Variants in FARP1 observed in about 807,000 individuals in gnomAD.
FARP1 encodes FERM, ARHGEF and pleckstrin domain-containing protein 1.
FARP1 carries 52 observed loss-of-function variants against 128.8 expected under a neutral mutation model. That is an observed-to-expected ratio of 0.40 (90% CI 0.32 to 0.51). The LOEUF (loss-of-function observed/expected upper bound fraction) is 0.51. FARP1 is among the 20% of genes least tolerant of loss of function. The pLI is 0.45. For missense variants in FARP1, 1,333 were observed against 1,367.9 expected, an observed-to-expected ratio of 0.97 and a Z score of 0.40; for synonymous variants, 580 against 551.8, an observed-to-expected ratio of 1.05 and a Z score of -0.72.
intron 1 of FARP1, among the ~76,000 whole-genome samples, chr13:98,158,089 C>T (rs551915940): frequency 1.3e-5 from 2 of 152,316 alleles, no homozygotes; most frequent in South Asian, 2.1e-4. Flanking sequence ...AAGGATGTTA[C>T]GGTTTTCTTT....
At chr13:98,236,949 G>A (rs550405239) in intron 2 of FARP1, among the ~76,000 whole-genome samples, 7 of 152,226 alleles carry the variant, frequency 4.6e-5, no homozygotes, top group African/African-American at 9.6e-5. Context: ...CCAAGACTGC[G>A]CCATTGCACT....
chr13:98,418,148 C>T (rs1891457396), intron 16 of FARP1, among the ~76,000 whole-genome samples: 2 of 152,242 alleles, frequency 1.3e-5, no homozygotes, highest in African/African-American at 4.8e-5. Flanking sequence ...CTTCTGGCTT[C>T]AAGCAATCCT....
chr13:98,429,244 G>C (rs896134529), intron 17 of FARP1, among the ~76,000 whole-genome samples: 2 of 152,238 alleles, frequency 1.3e-5, no homozygotes, highest in Non-Finnish European at 2.9e-5. Context: ...GTAACCCCGA[G>C]GGATGGGGGG....
intron 5 of FARP1, among the ~76,000 whole-genome samples, chr13:98,375,505 A>T (rs1173514600): frequency 6.6e-6 from 1 of 152,160 alleles, no homozygotes; most frequent in African/African-American, 2.4e-5. Flanking sequence ...TACACACTCA[A>T]TTCTTTGCCT....
At chr13:98,446,066 C>T (rs1324381932) in intron 24 of FARP1, 32 bp from the exon 25 acceptor site, 5 of 1,484,424 alleles carry the variant, frequency 3.4e-6, no homozygotes, top group Non-Finnish European at 4.7e-6. Flanking sequence ...CAGGTGCCCG[C>T]TGTGCTTCTC....
chr13:98,376,384 C>G (rs1432546199), intron 5 of FARP1, among the ~76,000 whole-genome samples: 2 of 152,262 alleles, frequency 1.3e-5, no homozygotes, highest in Non-Finnish European at 2.9e-5. Flanking sequence ...GTTTGTTTTT[C>G]TGTGCCTGGC....
chr13:98,295,545 T>TCCCAGTCCCCCTCTCCTC (rs1885650328), intron 2 of FARP1, among the ~76,000 whole-genome samples: 1 of 152,144 alleles, frequency 6.6e-6, no homozygotes, highest in Non-Finnish European at 1.5e-5. Context: ...AAAAATAACC[T>TCCCAGTCCCCCTCTCCTC]CCCAGTCCCC....
intron 1 of FARP1, among the ~76,000 whole-genome samples, chr13:98,162,106 CT>C (rs1187064084): frequency 6.6e-6 from 1 of 152,132 alleles, no homozygotes; most frequent in Admixed American, 6.5e-5. Context: ...TATCATTTGA[CT>C]TTTTTCTCAC....
intron 1 of FARP1, among the ~76,000 whole-genome samples, chr13:98,152,584 A>G (rs1876089369): frequency 1.3e-5 from 2 of 152,194 alleles, no homozygotes; most frequent in African/African-American, 2.4e-5. Flanking sequence ...AGCATGCCAA[A>G]TACTAATCTG....
chr13:98,158,884 G>A (rs1170463154), intron 1 of FARP1, among the ~76,000 whole-genome samples: 1 of 152,162 alleles, frequency 6.6e-6, no homozygotes, highest in East Asian at 1.9e-4. Flanking sequence ...TGTTCACCTG[G>A]AGGAGCTAGA....
Position 98,155,372 on chromosome 13 carries a change from A to G in FARP1, c.-24+11880A>G, listed in dbSNP as rs532471382. 2.7e-5 allele frequency among the ~76,000 whole-genome samples: 4 copies of G among 146,946 alleles called. No individual in the cohort carries two copies. In the Admixed American group the frequency reaches 2.7e-4, roughly 10 times the overall value. On this transcript the variant is annotated intron_variant, in intron 1 of 26. Transcript: ENST00000319562. ...AAAAAAAAAAAAAAAAAAAAAGTCA[A>G]CTGGGACTGTGGGGTCTGCTACCAA...
At chr13:98,435,054 T>C (rs998078856) in intron 18 of FARP1, 1 of 152,394 alleles carries the variant, frequency 6.6e-6, no homozygotes, top group Admixed American at 6.5e-5. Flanking sequence ...ACCATCTTGG[T>C]AAACAGTGTA....
At chr13:98,373,918 T>C (rs1479579634) in intron 5 of FARP1, among the ~76,000 whole-genome samples, 1 of 152,220 alleles carries the variant, frequency 6.6e-6, no homozygotes, top group East Asian at 1.9e-4. Flanking sequence ...ATTATTATAA[T>C]AGTAGTAAAC....
chr13:98,281,844 T>C (rs1884951138), intron 2 of FARP1, among the ~76,000 whole-genome samples: 1 of 152,206 alleles, frequency 6.6e-6, no homozygotes, highest in Admixed American at 6.5e-5. Flanking sequence ...AACTGAAATT[T>C]GGACTTCAGC....
intron 2 of FARP1, among the ~76,000 whole-genome samples, chr13:98,305,614 G>T (rs771790619): frequency 3.1e-4 from 47 of 152,288 alleles, no homozygotes; most frequent in Non-Finnish European, 5.4e-4. Context: ...AATTACAGGC[G>T]TGAGCCACCA....
chr13:98,359,715 A>G (rs1046159861), intron 3 of FARP1, among the ~76,000 whole-genome samples: 1 of 152,206 alleles, frequency 6.6e-6, no homozygotes, highest in African/African-American at 2.4e-5. Context: ...CAGCACAGTA[A>G]GCGGTTGTGC....
At chr13:98,295,799 C>T (rs553673631) in intron 2 of FARP1, among the ~76,000 whole-genome samples, 12 of 152,248 alleles carry the variant, frequency 7.9e-5, no homozygotes, top group African/African-American at 2.9e-4. Flanking sequence ...CTTTCTGCAA[C>T]GATAAAGAAT....
At chr13:98,436,897 GACC>G (rs1892291221) in intron 19 of FARP1, among the ~76,000 whole-genome samples, 1 of 152,232 alleles carries the variant, frequency 6.6e-6, no homozygotes, top group African/African-American at 2.4e-5. Flanking sequence ...ATGGTGAACA[GACC>G]ACTGATAAAG....
At chr13:98,178,844 A>G (rs780139773) in intron 1 of FARP1, among the ~76,000 whole-genome samples, 1 of 152,330 alleles carries the variant, frequency 6.6e-6, no homozygotes, top group Middle Eastern at 3.4e-3. Context: ...TTAGGATAGT[A>G]ATTCTAGATT....
Sources: gnomAD v4.1 joint callset for allele counts (sites outside exome capture counted in the v4.1 genomes callset) on GRCh38, gnomAD v4.1.1 for gene constraint, MANE v1.5 for transcripts, NCBI Gene and HGNC (gene_info 2026-07-23, HGNC 2026-07-21) for gene names.